ZDHHC23: variants seen among roughly 807,000 people sequenced by gnomAD.
ZDHHC23 encodes the protein palmitoyltransferase ZDHHC23.
Under a neutral mutation model 40.2 loss-of-function variants are expected in ZDHHC23, and 41 were observed. The observed-to-expected ratio is 1.02, with a 90% confidence interval of 0.79 to 1.32. The LOEUF (loss-of-function observed/expected upper bound fraction) is 1.32, where lower values mean the gene tolerates loss of function less well. Ranked by LOEUF, ZDHHC23 falls within the 40% of genes most tolerant of loss-of-function variation. The pLI is 0.00. For synonymous variants in ZDHHC23, 204 were observed against 210.2 expected (o/e 0.97, Z 0.26); for missense variants, 471 against 541.5 (o/e 0.87, Z 1.29).
At chr3:113,949,683 A>T (rs1460942865) in intron 2 of ZDHHC23, among the ~76,000 whole-genome samples, 1 of 152,238 alleles carries the variant, frequency 6.6e-6, no homozygotes, top group East Asian at 1.9e-4. Context: ...GGAAGTCATA[A>T]TGTGGGAAGG....
Position 113,959,009 on chromosome 3 carries a change from A to G in ZDHHC23, c.*379A>G, listed in dbSNP as rs1939495301. The stretch of plus-strand genomic sequence containing the variant: ...GATTCTTAATAGCCATGTGACCCCT[A>G]GCTGAGTCACTTTCCCAAGTCTCAG... On this transcript the variant is annotated 3_prime_UTR_variant, in exon 5 of 5. Transcript: ENST00000638807. The G allele has an allele frequency of 9.8e-6, 11 of 1,121,602 alleles. No individual in the cohort carries two copies. Among genetic ancestry groups the G allele is most frequent in the Middle Eastern group, 4.1e-4 (1 of 2,464 alleles). 69.5% of individuals were successfully genotyped at this position (1,121,602 alleles called of 1,614,324 possible). A position where few individuals can be genotyped will look rare whatever the true frequency, so the allele number is the denominator to read the frequency against.
At chr3:113,958,069 C>T (rs1285852296) in intron 4 of ZDHHC23, among the ~76,000 whole-genome samples, 2 of 152,082 alleles carry the variant, frequency 1.3e-5, no homozygotes, top group African/African-American at 2.4e-5. Context: ...AGGTGTTGAA[C>T]GCTGTTATGT....
chr3:113,978,083 C>T, the ZDHHC23 span: 2 of 1,345,132 alleles, frequency 1.5e-6, no homozygotes, highest in Non-Finnish European at 2.1e-6. Context: ...TCCCCGCTCT[C>T]CTAGCCTCCA....
intron 1 of ZDHHC23, 137 bp from the exon 2 acceptor site, chr3:113,948,549 C>G (rs1938343375): frequency 2.5e-6 from 1 of 397,256 alleles, no homozygotes; most frequent in Non-Finnish European, 4.6e-6. Context: ...CGGCGCCTGC[C>G]CAGGCTGGGA....
chr3:113,965,584 A>T (rs942721010), downstream of ZDHHC23, among the ~76,000 whole-genome samples: 2 of 151,900 alleles, frequency 1.3e-5, no homozygotes, highest in Admixed American at 1.3e-4. Flanking sequence ...TTTTATTTTT[A>T]TTTTATTTTA....
chr3:113,972,934 C>T, the ZDHHC23 span, among the ~76,000 whole-genome samples: 1 of 152,112 alleles, frequency 6.6e-6, no homozygotes, highest in East Asian at 1.9e-4. Flanking sequence ...CTCTTTCAGT[C>T]TATGTATGTC....
rs1029986213 is a variant in ZDHHC23, at chr3:113,961,334, G to A, written c.*2704G>A. ...CCACTTAGATTATTATCACACCACTGTGGACTGTTCCTGGGGGGAGAAGAA... is the reference window on the plus strand; with the variant it reads ...CCACTTAGATTATTATCACACCACTATGGACTGTTCCTGGGGGGAGAAGAA... On this transcript the variant is annotated 3_prime_UTR_variant, in exon 5 of 5. Coordinates refer to ENST00000638807, the MANE Select transcript of ZDHHC23 (RefSeq NM_001320466.2). 3 of 152,326 alleles carry A rather than the reference G, an allele frequency of 2.0e-5. No homozygotes were observed. The highest frequency in any genetic ancestry group is 4.4e-5 in the Non-Finnish European group (3 of 68,136). The allele number at this position is 152,326 out of a possible 1,614,324, so 9.4% of individuals were successfully genotyped here. A position where few individuals can be genotyped will look rare whatever the true frequency, so the allele number is the denominator to read the frequency against.
At chr3:113,949,569 A>G (rs1348740788) in intron 2 of ZDHHC23, among the ~76,000 whole-genome samples, 1 of 152,250 alleles carries the variant, frequency 6.6e-6, no homozygotes, top group Non-Finnish European at 1.5e-5. Flanking sequence ...TACTATCCAA[A>G]AAGAGAATTT....
Position 113,954,192 on chromosome 3 carries a change from G to A in ZDHHC23, c.654G>A (p.Gln218=), listed in dbSNP as rs145875310. The change falls in exon 3 of 5, where the codon CAG becomes CAA. Residue 218 remains glutamine, a synonymous_variant. Transcript: ENST00000638807. Reference sequence around the variant, plus strand: ...TGGAGTGCCTGAGCAGAAAAGGGCAGGAGAAGACCAAAGGGTTCCCTGGGG... The same window carrying A: ...TGGAGTGCCTGAGCAGAAAAGGGCAAGAGAAGACCAAAGGGTTCCCTGGGG... The part of the protein sequence containing the change: ...SQLECLSRKG[Q]EKTKGFPGAD... 39 of 1,614,098 alleles carry A rather than the reference G, an allele frequency of 2.4e-5. No homozygotes were observed. In the African/African-American group the frequency reaches 5.1e-4, roughly 21 times the overall value.
chr3:113,961,046 C>T lies in ZDHHC23; in HGVS notation c.*2416C>T. On this transcript the variant is annotated 3_prime_UTR_variant, in exon 5 of 5. Coordinates refer to ENST00000638807, the MANE Select transcript of ZDHHC23 (RefSeq NM_001320466.2). ...GGGTTTCATTATAGGCCTTGGTTCTCTCCAGGGGCCAGATGAGTTTATTGT... is the reference window on the plus strand; with the variant it reads ...GGGTTTCATTATAGGCCTTGGTTCTTTCCAGGGGCCAGATGAGTTTATTGT... The T allele has an allele frequency of 3.3e-6, 1 of 305,672 alleles. No individual in the cohort carries two copies. The highest frequency in any genetic ancestry group is 5.9e-6 in the Non-Finnish European group (1 of 168,308). The allele number at this position is 305,672 out of a possible 1,614,324, so 18.9% of individuals were successfully genotyped here. A position where few individuals can be genotyped will look rare whatever the true frequency, so the allele number is the denominator to read the frequency against.
chr3:113,977,226 G>A, the ZDHHC23 span, among the ~76,000 whole-genome samples: 1 of 152,124 alleles, frequency 6.6e-6, no homozygotes, highest in South Asian at 2.1e-4. Context: ...GAACCCAGGA[G>A]GCAGAGGTTG....
Position 113,959,511 on chromosome 3 carries a change from G to A in ZDHHC23, c.*881G>A. ...ATTCATGTGTTTTTCCTCTTCCCATGTTTCACCAGGTAAGGTGCTAGCACA... is the reference window on the plus strand; with the variant it reads ...ATTCATGTGTTTTTCCTCTTCCCATATTTCACCAGGTAAGGTGCTAGCACA... On this transcript the variant is annotated 3_prime_UTR_variant, in exon 5 of 5. Coordinates refer to ENST00000638807, the MANE Select transcript of ZDHHC23 (RefSeq NM_001320466.2). 7.8e-7 allele frequency: 1 copy of A among 1,276,948 alleles called. No individual in the cohort carries two copies. Among genetic ancestry groups the A allele is most frequent in the Non-Finnish European group, 1.0e-6 (1 of 978,822 alleles). 79.1% of individuals were successfully genotyped at this position (1,276,948 alleles called of 1,614,324 possible).
At chr3:113,954,785 A>G (rs539029863) in intron 3 of ZDHHC23, among the ~76,000 whole-genome samples, 1 of 152,236 alleles carries the variant, frequency 6.6e-6, no homozygotes, top group African/African-American at 2.4e-5. Flanking sequence ...CTTTTTAAAC[A>G]TAAAGCTCAA....
chr3:113,977,477 C>G, the ZDHHC23 span, among the ~76,000 whole-genome samples: 1 of 152,124 alleles, frequency 6.6e-6, no homozygotes, highest in African/African-American at 2.4e-5. Flanking sequence ...ATAAAACTTA[C>G]TTATACAGAA....
chr3:113,950,921 C>T (rs1938594728), intron 2 of ZDHHC23, among the ~76,000 whole-genome samples: 1 of 152,218 alleles, frequency 6.6e-6, no homozygotes, highest in Admixed American at 6.5e-5. Flanking sequence ...GTGTTACTGA[C>T]AGGTCCTAAC....
At position 113,958,498 on chromosome 3, in the gene ZDHHC23, G is replaced by A. The variant is rs377625018; in HGVS notation, c.1176G>A (p.Lys392=). The A allele has an allele frequency of 2.5e-5, 40 of 1,613,938 alleles. No individual in the cohort carries two copies. The highest frequency in any genetic ancestry group is 9.9e-5 in the South Asian group (9 of 91,088). The stretch of plus-strand genomic sequence containing the variant: ...AAGTCCAGCAGGCCCTCCGACAGAA[G>A]ACTGGGCGCCGGCTCCTCTGCGGGC... ...EREVQQALRQ[K]TGRRLLCGLI... The change falls in exon 5 of 5, where the codon AAG becomes AAA. Residue 392 remains lysine, a synonymous_variant. Coordinates refer to ENST00000638807, the MANE Select transcript of ZDHHC23 (RefSeq NM_001320466.2).
intron 2 of ZDHHC23, 81 bp downstream of exon 2, chr3:113,949,044 A>T: frequency 6.5e-7 from 1 of 1,547,442 alleles, no homozygotes; most frequent in Non-Finnish European, 8.8e-7. Context: ...AGCCACCCAG[A>T]ATGCTAGAAT....
downstream of ZDHHC23, among the ~76,000 whole-genome samples, chr3:113,969,597 A>G (rs886099357): frequency 2.6e-5 from 4 of 152,164 alleles, no homozygotes; most frequent in African/African-American, 9.7e-5. Flanking sequence ...ACCATTTATT[A>G]AAAGAGTGTC....
chr3:113,972,867 G>A, the ZDHHC23 span, among the ~76,000 whole-genome samples: 4 of 152,088 alleles, frequency 2.6e-5, no homozygotes, highest in East Asian at 3.8e-4. Flanking sequence ...TCTGATATAA[G>A]TATAGCTATT....
Sources: gnomAD v4.1 joint callset for allele counts (sites outside exome capture counted in the v4.1 genomes callset) on GRCh38, gnomAD v4.1.1 for gene constraint, MANE v1.5 for transcripts, NCBI Gene and HGNC (gene_info 2026-07-23, HGNC 2026-07-21) for gene names.